Variants in VMP1 observed in about 807,000 individuals in gnomAD.
The protein encoded by VMP1 is ectopic P-granules autophagy protein 3 homolog.
A neutral mutation model predicts 56.0 loss-of-function variants in VMP1; 11 were observed. The observed-to-expected ratio is 0.20, with a 90% confidence interval of 0.12 to 0.32. The LOEUF is 0.32. Among genes scored for constraint, VMP1 ranks in the 10% least tolerant of loss-of-function variants. VMP1 has a pLI of 1.00. For missense variants in VMP1, 296 were observed against 490.3 expected (o/e 0.60, Z 3.74); for synonymous variants, 149 against 165.0 (o/e 0.90, Z 0.74).
At chr17:59,810,766 A>G (rs2038028705) in intron 8 of VMP1, among the ~76,000 whole-genome samples, 1 of 152,228 alleles carries the variant, frequency 6.6e-6, no homozygotes. Context: ...TTTTTAAATA[A>G]CTAGGCTTTT....
intron 9 of VMP1, among the ~76,000 whole-genome samples, chr17:59,812,803 C>T (rs1289821570): frequency 1.3e-5 from 2 of 152,048 alleles, no homozygotes; most frequent in South Asian, 4.1e-4. Flanking sequence ...TGGTGGCGCA[C>T]GCTTGTAATC....
At chr17:59,712,805 A>G (rs2033982953) in intron 1 of VMP1, among the ~76,000 whole-genome samples, 1 of 152,140 alleles carries the variant, frequency 6.6e-6, no homozygotes, top group African/African-American at 2.4e-5. Flanking sequence ...CTACAATTTT[A>G]AGTAGAGGAG....
At position 59,839,603 on chromosome 17, in the gene VMP1, A is replaced by G. The variant is rs769675790; in HGVS notation, c.1078-165A>G. 3.8e-6 allele frequency: 3 copies of G among 789,734 alleles called. No individual in the cohort carries two copies. In the Admixed American group the frequency reaches 9.2e-5, roughly 24 times the overall value. The allele number at this position is 789,734 out of a possible 1,614,324, so 48.9% of individuals were successfully genotyped here. A position where few individuals can be genotyped will look rare whatever the true frequency, so the allele number is the denominator to read the frequency against. On this transcript the variant is annotated intron_variant, in intron 11 of 11. Transcript: ENST00000262291. ...GTGAAATCTTGATAGTTGGGTGTAAAAAGGAGAGTAATGGAGATTTCAGAG... is the reference window on the plus strand; with the variant it reads ...GTGAAATCTTGATAGTTGGGTGTAAGAAGGAGAGTAATGGAGATTTCAGAG...
chr17:59,757,260 G>C (rs2035876297), intron 5 of VMP1, among the ~76,000 whole-genome samples: 1 of 151,742 alleles, frequency 6.6e-6, no homozygotes, highest in Non-Finnish European at 1.5e-5. Flanking sequence ...TAGATAGATA[G>C]ATAGATAGAT....
At chr17:59,722,726 C>G (rs2034448878) in intron 1 of VMP1, among the ~76,000 whole-genome samples, 1 of 152,122 alleles carries the variant, frequency 6.6e-6, no homozygotes, top group Non-Finnish European at 1.5e-5. Context: ...TGCTTGTAAT[C>G]CCAGCTAGTG....
chr17:59,790,422 G>C (rs1277933362), intron 7 of VMP1, among the ~76,000 whole-genome samples: 1 of 152,126 alleles, frequency 6.6e-6, no homozygotes, highest in East Asian at 1.9e-4. Context: ...ACTACTTGTA[G>C]TAAAGACTCA....
intron 7 of VMP1, among the ~76,000 whole-genome samples, chr17:59,805,351 C>G (rs1030059218): frequency 7.2e-5 from 11 of 152,162 alleles, no homozygotes; most frequent in Non-Finnish European, 1.0e-4. Flanking sequence ...TAGTAATGAT[C>G]ACTGTGTTTT....
chr17:59,728,127 A>G (rs1225732456), intron 1 of VMP1, among the ~76,000 whole-genome samples: 1 of 152,244 alleles, frequency 6.6e-6, no homozygotes, highest in African/African-American at 2.4e-5. Flanking sequence ...ACAGTGATGA[A>G]TGTGTGCTTT....
At chr17:59,788,064 A>G (rs1365165508) in intron 7 of VMP1, among the ~76,000 whole-genome samples, 3 of 152,232 alleles carry the variant, frequency 2.0e-5, no homozygotes, top group Non-Finnish European at 4.4e-5. Context: ...TTTGATGACA[A>G]AGCAATTATC....
At chr17:59,795,515 A>T (rs768910475) in intron 7 of VMP1, among the ~76,000 whole-genome samples, 1 of 148,800 alleles carries the variant, frequency 6.7e-6, no homozygotes, top group Non-Finnish European at 1.5e-5. Context: ...TTTGTTTTTT[A>T]AAATTAAAAA....
chr17:59,777,810 T>C (rs1354504208), intron 7 of VMP1, among the ~76,000 whole-genome samples: 3 of 137,278 alleles, frequency 2.2e-5, no homozygotes, highest in Admixed American at 2.2e-4. Flanking sequence ...CAAGACTCCG[T>C]CTCAAAACAA....
At chr17:59,824,265 AG>A (rs1350323341) in intron 10 of VMP1, among the ~76,000 whole-genome samples, 1 of 148,000 alleles carries the variant, frequency 6.8e-6, no homozygotes, top group Non-Finnish European at 1.5e-5. Flanking sequence ...AAAAAAAAAA[AG>A]GGTATCAAAA....
intron 7 of VMP1, among the ~76,000 whole-genome samples, chr17:59,785,981 C>G (rs1345193851): frequency 6.6e-6 from 1 of 151,780 alleles, no homozygotes; most frequent in African/African-American, 2.4e-5. Context: ...TATCTTTTAC[C>G]TTACTAATTT....
At chr17:59,830,641 A>G (rs1479088819) in intron 10 of VMP1, among the ~76,000 whole-genome samples, 1 of 152,244 alleles carries the variant, frequency 6.6e-6, no homozygotes, top group African/African-American at 2.4e-5. Context: ...GGGTAAATAT[A>G]ACCTATATGC....
At chr17:59,768,360 T>C (rs1037388365) in intron 6 of VMP1, among the ~76,000 whole-genome samples, 1 of 152,100 alleles carries the variant, frequency 6.6e-6, no homozygotes, top group Non-Finnish European at 1.5e-5. Flanking sequence ...CCCAGCACTT[T>C]GGGAGGCCAA....
At chr17:59,715,372 C>T (rs2034111775) in intron 1 of VMP1, among the ~76,000 whole-genome samples, 1 of 152,126 alleles carries the variant, frequency 6.6e-6, no homozygotes, top group South Asian at 2.1e-4. Context: ...GTAGGGGAAA[C>T]AGGAACCTTC....
At chr17:59,802,913 AT>A (rs77222930) in intron 7 of VMP1, among the ~76,000 whole-genome samples, 64,015 of 151,924 alleles carry the variant, frequency 0.42, 15,389 homozygotes, top group Non-Finnish European at 0.54. Flanking sequence ...TGCCCGGCTA[AT>A]TTTGTATTTT....
At chr17:59,799,684 C>T (rs757646516) in intron 7 of VMP1, among the ~76,000 whole-genome samples, 3 of 152,040 alleles carry the variant, frequency 2.0e-5, no homozygotes, top group Admixed American at 6.6e-5. Flanking sequence ...TTCACTTGGC[C>T]GGGCGCAGTG....
chr17:59,747,414 T>TTTC (rs2035463581), intron 5 of VMP1, among the ~76,000 whole-genome samples: 1 of 77,304 alleles, frequency 1.3e-5, no homozygotes. Flanking sequence ...TCTTTCTTTC[T>TTTC]TTTTTTTTTT....
Sources: gnomAD v4.1 joint callset for allele counts (sites outside exome capture counted in the v4.1 genomes callset) on GRCh38, gnomAD v4.1.1 for gene constraint, MANE v1.5 for transcripts, NCBI Gene and HGNC (gene_info 2026-07-23, HGNC 2026-07-21) for gene names.